STK38L: variants seen among roughly 807,000 people sequenced by gnomAD.
STK38L encodes serine/threonine kinase 38 like, also known as serine/threonine-protein kinase 38-like.
A neutral mutation model predicts 59.7 loss-of-function variants in STK38L; 28 were observed. That is an observed-to-expected ratio of 0.47 (90% confidence interval 0.35 to 0.64). The LOEUF (loss-of-function observed/expected upper bound fraction) is 0.64. STK38L is among the 30% of genes least tolerant of loss of function. The pLI is 0.01. For synonymous variants in STK38L, 162 were observed against 176.8 expected (o/e 0.92, Z 0.66); for missense variants, 314 against 555.8 (o/e 0.56, Z 4.37).
chr12:27,260,546 C>A (rs942757459), intron 1 of STK38L, among the ~76,000 whole-genome samples: 1 of 152,176 alleles, frequency 6.6e-6, no homozygotes, highest in Non-Finnish European at 1.5e-5. Flanking sequence ...ACCACTCCCC[C>A]TCACTCTCTC....
chr12:27,279,877 G>A (rs943722015), intron 1 of STK38L, among the ~76,000 whole-genome samples: 1 of 151,966 alleles, frequency 6.6e-6, no homozygotes, highest in Non-Finnish European at 1.5e-5. Flanking sequence ...AAAAATAAAA[G>A]TCTGATGAAA....
At chr12:27,263,175 C>G (rs1042611488) in intron 1 of STK38L, among the ~76,000 whole-genome samples, 1 of 152,238 alleles carries the variant, frequency 6.6e-6, no homozygotes, top group South Asian at 2.1e-4. Flanking sequence ...ATATAGAAAG[C>G]TTTTTGAAGA....
chr12:27,272,127 G>GT (rs1943437017), intron 1 of STK38L, among the ~76,000 whole-genome samples: 1 of 152,260 alleles, frequency 6.6e-6, no homozygotes, highest in East Asian at 1.9e-4. Context: ...TTTAGATAGA[G>GT]TTTTCACTCA....
At chr12:27,313,408 GT>G (rs1237276941) in intron 6 of STK38L, among the ~76,000 whole-genome samples, 1 of 152,112 alleles carries the variant, frequency 6.6e-6, no homozygotes, top group Non-Finnish European at 1.5e-5. Context: ...TTGAGATGAA[GT>G]CTCGCTCTGT....
intron 5 of STK38L, among the ~76,000 whole-genome samples, chr12:27,311,849 T>G (rs1245453884): frequency 6.6e-6 from 1 of 152,146 alleles, no homozygotes; most frequent in African/African-American, 2.4e-5. Flanking sequence ...TTAGCCAAGC[T>G]TAGGTTTGCT....
chr12:27,310,740 C>T (rs1224297971), intron 5 of STK38L, among the ~76,000 whole-genome samples: 1 of 152,082 alleles, frequency 6.6e-6, no homozygotes, highest in East Asian at 1.9e-4. Flanking sequence ...TACTGGACAG[C>T]CCTTGGTCTA....
chr12:27,259,862 C>T (rs950477127), intron 1 of STK38L, among the ~76,000 whole-genome samples: 64 of 152,236 alleles, frequency 4.2e-4, no homozygotes, highest in African/African-American at 1.4e-3. Context: ...TGTTATGTGT[C>T]CCTCCTTTCT....
At chr12:27,290,430 GTTAA>G (rs1943871631) in intron 1 of STK38L, among the ~76,000 whole-genome samples, 6 of 152,156 alleles carry the variant, frequency 3.9e-5, no homozygotes. Context: ...CCTGACTCAG[GTTAA>G]ATAACTCAGA....
At chr12:27,302,440 G>A (rs1214465485) in intron 3 of STK38L, 5 of 292,462 alleles carry the variant, frequency 1.7e-5, no homozygotes, top group Non-Finnish European at 3.1e-5. Flanking sequence ...AGAAAGGCAA[G>A]CTCCGGGAGG....
rs529006356 is a variant in STK38L, at chr12:27,300,832, T to C, written c.135-1305T>C. 4.6e-5 allele frequency among the ~76,000 whole-genome samples: 7 copies of C among 152,328 alleles called. No individual in the cohort carries two copies. In the South Asian group the frequency reaches 1.4e-3, roughly 32 times the overall value. On this transcript the variant is annotated intron_variant, in intron 2 of 13. Coordinates refer to ENST00000389032, the MANE Select transcript of STK38L (RefSeq NM_015000.4). Reference sequence around the variant, plus strand: ...GGCTTTAAATGTTACAAATCTTCTATAAGAAGGAAAACTAAGTGATCTTAA... The same window carrying C: ...GGCTTTAAATGTTACAAATCTTCTACAAGAAGGAAAACTAAGTGATCTTAA...
At chr12:27,300,236 AT>A (rs1160250451) in intron 2 of STK38L, among the ~76,000 whole-genome samples, 2 of 152,218 alleles carry the variant, frequency 1.3e-5, no homozygotes, top group African/African-American at 4.8e-5. Flanking sequence ...AATGTGATGT[AT>A]TTTTAAGGCT....
At chr12:27,314,403 A>C in intron 6 of STK38L, 101 bp from the exon 7 acceptor site, 3 of 508,170 alleles carry the variant, frequency 5.9e-6, no homozygotes, top group Non-Finnish European at 8.1e-6. Flanking sequence ...TCTGTCTCCA[A>C]AAAAAAAAAA....
At chr12:27,263,717 TC>T (rs1943248528) in intron 1 of STK38L, among the ~76,000 whole-genome samples, 1 of 152,242 alleles carries the variant, frequency 6.6e-6, no homozygotes, top group East Asian at 1.9e-4. Flanking sequence ...TTGAGTACTT[TC>T]TGTGTGCTCT....
intron 1 of STK38L, among the ~76,000 whole-genome samples, chr12:27,284,140 T>C (rs1943718665): frequency 6.6e-6 from 1 of 152,160 alleles, no homozygotes; most frequent in Admixed American, 6.5e-5. Context: ...AATGACTTAG[T>C]GTTAGATATG....
In STK38L at chr12:27,250,342, C is replaced by T. The variant is rs16931768; in HGVS notation, c.-12+6010C>T. Among the ~76,000 whole-genome samples the T allele has an allele frequency of 9.7e-3, 1,471 of 152,308 alleles. 26 individuals are homozygous for T. Among genetic ancestry groups the T allele is most frequent in the African/African-American group, 0.034 (1,397 of 41,552 alleles). On this transcript the variant is annotated intron_variant, in intron 1 of 13. Coordinates refer to ENST00000389032, the MANE Select transcript of STK38L (RefSeq NM_015000.4). ...CAATTCAAGAGACACAGTAAGTAAT[C>T]TGAACATTTAATATGAAGCATACTT...
At position 27,325,537 on chromosome 12, in the gene STK38L, A is replaced by AT; in HGVS notation, c.*3084dup. On this transcript the variant is annotated 3_prime_UTR_variant, in exon 14 of 14. Coordinates refer to ENST00000389032, the MANE Select transcript of STK38L (RefSeq NM_015000.4). ...ATAGAGGTCCCTGGCTACCAAACAC[A>AT]TTCTCCTTTGAATTGTTAAAATTCA... 1 of 152,294 alleles carries AT rather than the reference A, an allele frequency of 6.6e-6. No homozygotes were observed. The highest frequency in any genetic ancestry group is 1.5e-5 in the Non-Finnish European group (1 of 67,994). The allele number at this position is 152,294 out of a possible 1,614,324, so 9.4% of individuals were successfully genotyped here. A position where few individuals can be genotyped will look rare whatever the true frequency, so the allele number is the denominator to read the frequency against.
At chr12:27,258,693 CA>C (rs1054316236) in intron 1 of STK38L, among the ~76,000 whole-genome samples, 2 of 152,100 alleles carry the variant, frequency 1.3e-5, no homozygotes, top group African/African-American at 4.8e-5. Flanking sequence ...TTTTTTAACC[CA>C]AATATAATTC....
intron 12 of STK38L, among the ~76,000 whole-genome samples, chr12:27,319,899 C>G (rs920468207): frequency 8.5e-5 from 13 of 152,144 alleles, no homozygotes; most frequent in African/African-American, 3.1e-4. Flanking sequence ...GGCCAAACTA[C>G]CATTGGTAGT....
At chr12:27,298,065 C>A in intron 2 of STK38L, 2 of 510,472 alleles carry the variant, frequency 3.9e-6, no homozygotes, top group Non-Finnish European at 6.8e-6. Context: ...TCTATATACC[C>A]GTATGACATG....
Sources: allele counts gnomAD v4.1 joint callset (sites outside exome capture counted in the v4.1 genomes callset), GRCh38; gene constraint gnomAD v4.1.1; transcripts MANE v1.5; gene names NCBI Gene and HGNC (gene_info 2026-07-23, HGNC 2026-07-21).